The following SH3PXD2A variants were observed in gnomAD, a reference collection of about 807,000 sequenced individuals.
SH3PXD2A encodes SH3 and PX domain-containing protein 2A.
SH3PXD2A carries 32 observed loss-of-function variants against 115.2 expected under a neutral mutation model. That is an observed-to-expected ratio of 0.28 (90% CI 0.21 to 0.37). SH3PXD2A has a LOEUF of 0.37. Ranked by LOEUF, SH3PXD2A falls within the 10% of genes least tolerant of loss-of-function variation. The probability of loss-of-function intolerance (pLI) is 1.00; values close to 1 mark genes in which losing one functional copy is unlikely to be tolerated. For synonymous variants in SH3PXD2A, 610 were observed against 629.1 expected (o/e 0.97, Z 0.45); for missense variants, 1,328 against 1,498.7 (o/e 0.89, Z 1.88).
At chr10:103,795,335 G>C (rs965255153) in intron 2 of SH3PXD2A, among the ~76,000 whole-genome samples, 1 of 152,200 alleles carries the variant, frequency 6.6e-6, no homozygotes, top group Non-Finnish European at 1.5e-5. Flanking sequence ...CAGCCCCTGC[G>C]TGTGAGTCTG....
intron 2 of SH3PXD2A, among the ~76,000 whole-genome samples, chr10:103,770,138 T>G (rs188504517): frequency 0.014 from 2,058 of 152,302 alleles, 59 homozygotes; most frequent in African/African-American, 0.047. Context: ...TCCATGTAAA[T>G]AAAATGAACC....
intron 2 of SH3PXD2A, among the ~76,000 whole-genome samples, chr10:103,785,632 C>T (rs528471036): frequency 1.6e-4 from 25 of 152,228 alleles, no homozygotes; most frequent in African/African-American, 6.0e-4. Flanking sequence ...CCAAGACTGC[C>T]GCCTGATTCC....
At chr10:103,799,187 C>CATGA (rs1412534422) in intron 2 of SH3PXD2A, among the ~76,000 whole-genome samples, 2 of 152,208 alleles carry the variant, frequency 1.3e-5, no homozygotes, top group Non-Finnish European at 2.9e-5. Flanking sequence ...CTCTCAGGGA[C>CATGA]ATGAGTTCTG....
rs1414673863 is a variant in SH3PXD2A at position 103,769,175 on chromosome 10, T to TGCGC, written c.154-2007_154-2006insGCGC. On this transcript the variant is annotated intron_variant, in intron 2 of 14. Coordinates refer to ENST00000369774, the MANE Select transcript of SH3PXD2A (RefSeq NM_001394015.1). ...GTGTGTGTGTGTGTGTGTGTGTGTG[T>TGCGC]GTGTGTGCGCGCGCGCGCGCATTTA... Among the ~76,000 whole-genome samples, 62 of 103,844 alleles carry TGCGC rather than the reference T, an allele frequency of 6.0e-4. 1 individual carries two copies. Among genetic ancestry groups the TGCGC allele is most frequent in the African/African-American group, 2.8e-3 (62 of 22,122 alleles). The allele number at this position is 103,844 out of a possible 152,430, so 68.1% of individuals were successfully genotyped here. A position where few individuals can be genotyped will look rare whatever the true frequency, so the allele number is the denominator to read the frequency against.
chr10:103,849,636 G>A (rs1842879249), intron 1 of SH3PXD2A, among the ~76,000 whole-genome samples: 1 of 152,222 alleles, frequency 6.6e-6, no homozygotes, highest in Admixed American at 6.5e-5. Context: ...CTGCACTACA[G>A]GCAGCAGAAG....
chr10:103,667,456 C>T (rs2037398345), intron 7 of SH3PXD2A, among the ~76,000 whole-genome samples: 1 of 152,250 alleles, frequency 6.6e-6, no homozygotes, highest in African/African-American at 2.4e-5. Context: ...TGGGCTCTGG[C>T]TCACTGGCGT....
At chr10:103,647,018 T>A (rs1352497736) in intron 8 of SH3PXD2A, among the ~76,000 whole-genome samples, 1 of 151,568 alleles carries the variant, frequency 6.6e-6, no homozygotes, top group African/African-American at 2.4e-5. Context: ...GAGGCCTCTA[T>A]GGGGAGGTCT....
At chr10:103,739,957 C>T (rs1303340666) in intron 3 of SH3PXD2A, among the ~76,000 whole-genome samples, 1 of 152,210 alleles carries the variant, frequency 6.6e-6, no homozygotes, top group Non-Finnish European at 1.5e-5. Flanking sequence ...GACCCTGAAA[C>T]AGGTCCCTTC....
intron 1 of SH3PXD2A, among the ~76,000 whole-genome samples, chr10:103,825,638 G>A (rs989553287): frequency 6.6e-6 from 1 of 152,186 alleles, no homozygotes; most frequent in African/African-American, 2.4e-5. Flanking sequence ...GTCAGAGACA[G>A]AGCATAGAGT....
chr10:103,709,960 G>T (rs1341758249), intron 5 of SH3PXD2A, among the ~76,000 whole-genome samples: 2 of 151,368 alleles, frequency 1.3e-5, no homozygotes, highest in Non-Finnish European at 2.9e-5. Flanking sequence ...ATGAGCATGG[G>T]GGTGGACACC....
intron 3 of SH3PXD2A, among the ~76,000 whole-genome samples, chr10:103,740,723 C>T (rs1388073321): frequency 6.6e-6 from 1 of 152,226 alleles, no homozygotes; most frequent in Non-Finnish European, 1.5e-5. Flanking sequence ...AGTGTCTATG[C>T]ATGCATGTAC....
At chr10:103,824,340 G>C (rs1403772281) in intron 1 of SH3PXD2A, among the ~76,000 whole-genome samples, 1 of 152,160 alleles carries the variant, frequency 6.6e-6, no homozygotes, top group Admixed American at 6.5e-5. Flanking sequence ...GGGCTTTTCT[G>C]TGGCCAGGGG....
chr10:103,691,263 A>T (rs144924812), intron 6 of SH3PXD2A, among the ~76,000 whole-genome samples: 139 of 152,336 alleles, frequency 9.1e-4, no homozygotes, highest in African/African-American at 3.3e-3. Flanking sequence ...TACAGTAGTT[A>T]TTCGGTGCCA....
intron 2 of SH3PXD2A, among the ~76,000 whole-genome samples, chr10:103,787,308 C>T (rs1337440848): frequency 1.3e-5 from 2 of 152,236 alleles, no homozygotes; most frequent in South Asian, 4.1e-4. Flanking sequence ...ACTGTCCCAA[C>T]TGCCAGACTC....
In SH3PXD2A at chr10:103,794,575, C is replaced by T. The variant is rs111447578; in HGVS notation, c.153+6707G>A. Among the ~76,000 whole-genome samples the T allele has an allele frequency of 8.9e-3, 1,350 of 152,220 alleles. 24 individuals carry two copies. Among genetic ancestry groups the T allele is most frequent in the African/African-American group, 0.031 (1,275 of 41,508 alleles). ...AAGGCTGGAAACGTGGTCCAGCCAC[C>T]CGTGAGAAAGCAACTGAAAAGGGCA... is the stretch of plus-strand genomic sequence containing the variant. On this transcript the variant is annotated intron_variant, in intron 2 of 14. Coordinates refer to ENST00000369774, the MANE Select transcript of SH3PXD2A (RefSeq NM_001394015.1).
At chr10:103,783,545 C>A (rs552734984) in intron 2 of SH3PXD2A, among the ~76,000 whole-genome samples, 1 of 152,148 alleles carries the variant, frequency 6.6e-6, no homozygotes, top group Non-Finnish European at 1.5e-5. Flanking sequence ...TGGTCCCAAC[C>A]GGGTTTGAAT....
rs562875624 is a variant in SH3PXD2A at position 103,625,341 on chromosome 10, C to T, written c.718+1748G>A. On this transcript the variant is annotated intron_variant, in intron 9 of 14. Transcript: ENST00000369774. ...TCATACACGCACTGCCCTAGAGCTGCCTGTACTGCTTACGAGCAAAATGCT... is the reference window on the plus strand; with the variant it reads ...TCATACACGCACTGCCCTAGAGCTGTCTGTACTGCTTACGAGCAAAATGCT... Among the ~76,000 whole-genome samples, 11 of 152,362 alleles carry T rather than the reference C, an allele frequency of 7.2e-5. No homozygotes were observed. In the South Asian group the frequency reaches 2.3e-3, roughly 32 times the overall value.
chr10:103,733,068 G>A (rs140220508), intron 4 of SH3PXD2A, among the ~76,000 whole-genome samples: 2,427 of 150,766 alleles, frequency 0.016, 37 homozygotes, highest in Non-Finnish European at 0.023. Flanking sequence ...CCCCACCCCC[G>A]CCATTCTCAG....
At chr10:103,718,337 C>T (rs952973563) in intron 5 of SH3PXD2A, among the ~76,000 whole-genome samples, 7 of 152,292 alleles carry the variant, frequency 4.6e-5, no homozygotes, top group African/African-American at 1.4e-4. Flanking sequence ...CTTTATCTGC[C>T]TTCTTTGGGA....
Sources: allele counts gnomAD v4.1 joint callset (sites outside exome capture counted in the v4.1 genomes callset), GRCh38; gene constraint gnomAD v4.1.1; transcripts MANE v1.5; gene names NCBI Gene and HGNC (gene_info 2026-07-23, HGNC 2026-07-21).